Variants in SLIT1 observed in about 807,000 individuals in gnomAD.
SLIT1 encodes slit guidance ligand 1.
In SLIT1, 66 loss-of-function variants were observed where a neutral mutation model predicts 186.1. That is an observed-to-expected ratio of 0.35 (90% CI 0.29 to 0.44). SLIT1 has a LOEUF of 0.44. Among genes scored for constraint, SLIT1 ranks in the 20% least tolerant of loss-of-function variants. The probability of loss-of-function intolerance (pLI) is 1.00; values close to 1 mark genes in which losing one functional copy is unlikely to be tolerated. For missense variants in SLIT1, 1,638 were observed against 2,037.4 expected (o/e 0.80, Z 3.77); for synonymous variants, 761 against 833.8 (o/e 0.91, Z 1.50).
chr10:97,010,851 G>T lies in SLIT1; in HGVS notation c.3341+142C>A. ...CCCAAGGCTGCACAGCTGGTGACTG[G>T]CAGAGCCACGGTTAAAACCCCAGCA... is the stretch of plus-strand genomic sequence containing the variant. On this transcript the variant is annotated intron_variant, in intron 31 of 36. Transcript: ENST00000266058. The surrounding 1 kb of genome is among the most constrained non-coding windows in gnomAD (Gnocchi z 4.8). 1.3e-6 allele frequency: 1 copy of T among 748,244 alleles called. No homozygotes were observed. The highest frequency in any genetic ancestry group is 2.2e-6 in the Non-Finnish European group (1 of 463,316). 46.4% of individuals were successfully genotyped at this position (748,244 alleles called of 1,614,324 possible).
chr10:97,082,465 C>T (rs553564550), intron 4 of SLIT1, among the ~76,000 whole-genome samples: 6 of 152,136 alleles, frequency 3.9e-5, no homozygotes, highest in Non-Finnish European at 7.3e-5. Flanking sequence ...AGAGGAGTCT[C>T]GCTCTGTTGC....
intron 32 of SLIT1, among the ~76,000 whole-genome samples, chr10:97,005,733 G>A (rs1848354524): frequency 6.6e-6 from 1 of 152,224 alleles, no homozygotes; most frequent in Non-Finnish European, 1.5e-5. Flanking sequence ...TATGTAAGTG[G>A]ATAGGATGTT....
intron 11 of SLIT1, chr10:97,058,060 G>A (rs1016929686): frequency 1.1e-5 from 8 of 717,512 alleles, no homozygotes; most frequent in Non-Finnish European, 1.8e-5. Flanking sequence ...TGCAGTGGGA[G>A]CTGTGTGTGC....
chr10:97,141,778 T>C (rs1849767932), intron 4 of SLIT1, among the ~76,000 whole-genome samples: 1 of 151,330 alleles, frequency 6.6e-6, no homozygotes, highest in South Asian at 2.1e-4. Context: ...TATCGTACTG[T>C]ATTGTATTGT....
chr10:97,166,984 C>G (rs1589419533), intron 1 of SLIT1, among the ~76,000 whole-genome samples: 1 of 152,192 alleles, frequency 6.6e-6, no homozygotes, highest in Non-Finnish European at 1.5e-5. Flanking sequence ...TCAACGCATC[C>G]TCCCGCTGTC....
Position 97,156,482 on chromosome 10 carries a change from G to A in SLIT1, c.413+1336C>T, listed in dbSNP as rs1435402812. ...AGTCCCAGCTACTCTGGAGGCTGAG[G>A]TGGGAAGATCACTTGAGCCCAGAAG... On this transcript the variant is annotated intron_variant, in intron 4 of 36. Coordinates refer to ENST00000266058, the MANE Select transcript of SLIT1 (RefSeq NM_003061.3). Among the ~76,000 whole-genome samples, 4 of 152,222 alleles carry A rather than the reference G, an allele frequency of 2.6e-5. No individual in the cohort carries two copies. In the South Asian group the frequency reaches 8.3e-4, roughly 32 times the overall value.
At chr10:97,032,755 C>T (rs966388908) in intron 23 of SLIT1, among the ~76,000 whole-genome samples, 32 of 152,242 alleles carry the variant, frequency 2.1e-4, no homozygotes, top group African/African-American at 6.5e-4. Context: ...CCCGTGTTCC[C>T]CAGCAGACGA....
At position 97,002,278 on chromosome 10, in the gene SLIT1, C is replaced by T. The variant is rs760012723; in HGVS notation, c.4246G>A (p.Gly1416Arg). The T allele has an allele frequency of 3.9e-5, 62 of 1,608,994 alleles. No individual in the cohort carries two copies. Among genetic ancestry groups the T allele is most frequent in the Non-Finnish European group, 4.8e-5 (56 of 1,178,452 alleles). The change falls in exon 36 of 37, where the codon GGG becomes AGG. Residue 1416 changes from glycine to arginine, a missense_variant. Physicochemically the swap from Gly to Arg is moderately radical, Grantham distance 125. Coordinates refer to ENST00000266058, the MANE Select transcript of SLIT1 (RefSeq NM_003061.3). Reference protein sequence around the residue: ...GYSGALCNQAGALAEPCRGLQ... With the variant: ...GYSGALCNQARALAEPCRGLQ... ...CCTCTGCAGGGCTCTGCCAGGGCCC[C>T]GGCCTGGTTGCACAGTGCCCCCGAG...
Position 97,157,768 on chromosome 10 carries a change from T to G in SLIT1, c.413+50A>C, listed in dbSNP as rs1554854126. ...ACCAAACACTGTGCCTCCCACAGGG[T>G]GAGAGACAAAACCACAGGGAGAACT... On this transcript the variant is annotated intron_variant, in intron 4 of 36. Transcript: ENST00000266058. 16 of 1,412,898 alleles carry G rather than the reference T, an allele frequency of 1.1e-5. No homozygotes were observed. In the South Asian group the frequency reaches 1.8e-4, roughly 16 times the overall value. The allele number at this position is 1,412,898 out of a possible 1,614,324, so 87.5% of individuals were successfully genotyped here.
chr10:97,116,215 A>AGAG (rs1489448143), intron 4 of SLIT1, among the ~76,000 whole-genome samples: 9 of 152,176 alleles, frequency 5.9e-5, no homozygotes, highest in Non-Finnish European at 1.5e-5. Context: ...GGAAGGAGGA[A>AGAG]GAGGAGGAGG....
At chr10:97,096,105 T>C (rs371985620) in intron 4 of SLIT1, among the ~76,000 whole-genome samples, 1 of 152,178 alleles carries the variant, frequency 6.6e-6, no homozygotes, top group Non-Finnish European at 1.5e-5. Context: ...CCCCTGCCTC[T>C]GCCCTGGTGT....
In SLIT1 at chr10:97,164,849, T is replaced by A. The variant is rs751909884; in HGVS notation, c.239A>T (p.Asp80Val). 12 of 1,613,644 alleles carry A rather than the reference T, an allele frequency of 7.4e-6. No homozygotes were observed. In the South Asian group the frequency reaches 9.9e-5, roughly 13 times the overall value. ...GNNITRIHKN[D>V]FAGLKQLRVL... ...CCGCAGCTGCTTGAGCCCCGCAAAG[T>A]CATTCTTATGGATCCGAGTGATGTT... is the stretch of plus-strand genomic sequence containing the variant. Residue 80 changes from aspartate to valine, a missense_variant, in exon 2 of 37, where the codon GAC (aspartate) becomes GTC (valine). Physicochemically the swap from Asp to Val is radical, Grantham distance 152 (BLOSUM62 -3). Transcript: ENST00000266058.
At chr10:97,012,609 C>A (rs1261947908) in intron 30 of SLIT1, among the ~76,000 whole-genome samples, 1 of 152,222 alleles carries the variant, frequency 6.6e-6, no homozygotes, top group African/African-American at 2.4e-5. Context: ...GCGCATGCTG[C>A]CCAATCTGCC....
At chr10:97,050,860 A>G (rs984246867) in intron 13 of SLIT1, among the ~76,000 whole-genome samples, 6 of 152,260 alleles carry the variant, frequency 3.9e-5, no homozygotes, top group African/African-American at 1.4e-4. Context: ...GAAACAACCT[A>G]TAAAACTTGA....
chr10:97,088,063 G>T lies in SLIT1; in HGVS notation c.414-21977C>A, dbSNP rs190282211. ...AAGAGAGTGGTTCTCAAACTCAGCT[G>T]CACACTGGAACTATCTGGGAAACTT... On this transcript the variant is annotated intron_variant, in intron 4 of 36. Transcript: ENST00000266058. Among the ~76,000 whole-genome samples, 690 of 152,136 alleles carry T rather than the reference G, an allele frequency of 4.5e-3. 3 individuals carry two copies. The highest frequency in any genetic ancestry group is 6.6e-3 in the Non-Finnish European group (447 of 68,006).
At chr10:97,057,184 C>A in intron 12 of SLIT1, 26 bp downstream of exon 12, 1 of 1,600,408 alleles carries the variant, frequency 6.2e-7, no homozygotes, top group Non-Finnish European at 8.6e-7. Flanking sequence ...TGGGTCCCAC[C>A]CAAGACACCC....
In SLIT1 at chr10:97,158,433, G is replaced by A. The variant is rs559570824; in HGVS notation, c.342-544C>T. 3.9e-5 allele frequency among the ~76,000 whole-genome samples: 6 copies of A among 152,120 alleles called. 1 individual carries two copies. In the South Asian group the frequency reaches 8.3e-4, roughly 21 times the overall value. On this transcript the variant is annotated intron_variant, in intron 3 of 36. Coordinates refer to ENST00000266058, the MANE Select transcript of SLIT1 (RefSeq NM_003061.3). ...TCCCAGCACTTTGGGAGGCCGAGGC[G>A]GGCGGATCACCTGAGGTCAGGAGTT...
intron 1 of SLIT1, among the ~76,000 whole-genome samples, chr10:97,169,831 T>C (rs1188773353): frequency 6.6e-6 from 1 of 152,234 alleles, no homozygotes; most frequent in Non-Finnish European, 1.5e-5. Flanking sequence ...ATCTCCAACT[T>C]GCTGAGGAGG....
At chr10:97,143,395 C>A (rs1849785064) in intron 4 of SLIT1, among the ~76,000 whole-genome samples, 1 of 152,162 alleles carries the variant, frequency 6.6e-6, no homozygotes, top group Admixed American at 6.5e-5. Flanking sequence ...AGACAAATGC[C>A]ATGTGATTCC....
Sources: gnomAD v4.1 joint callset for allele counts (sites outside exome capture counted in the v4.1 genomes callset) on GRCh38, gnomAD v4.1.1 for gene constraint, Gnocchi (gnomAD v3.1) non-coding constraint, MANE v1.5 for transcripts, NCBI Gene and HGNC (gene_info 2026-07-23, HGNC 2026-07-21) for gene names.